WDR70: variants seen among roughly 807,000 people sequenced by gnomAD.
WDR70 encodes the protein WD repeat domain 70, also known as WD repeat-containing protein 70.
A neutral mutation model predicts 88.6 loss-of-function variants in WDR70; 53 were observed. The observed-to-expected ratio is 0.60, with a 90% CI of 0.48 to 0.75. The LOEUF is 0.75. Among genes scored for constraint, WDR70 ranks in the 30% least tolerant of loss-of-function variants. The probability of loss-of-function intolerance (pLI) is 0.00; values close to 1 mark genes in which losing one functional copy is unlikely to be tolerated. For synonymous variants in WDR70, 280 were observed against 270.0 expected, an observed-to-expected ratio of 1.04 and a Z score of -0.36; for missense variants, 610 against 823.2, an observed-to-expected ratio of 0.74 and a Z score of 3.17.
intron 9 of WDR70, among the ~76,000 whole-genome samples, chr5:37,517,859 T>A (rs1028013986): frequency 3.4e-5 from 5 of 147,308 alleles, no homozygotes; most frequent in Admixed American, 3.4e-4. Context: ...TATTATTTTT[T>A]ATTATATTAT....
rs939441215 is a variant in WDR70 at position 37,445,150 on chromosome 5, T to C, written c.686+1778T>C. Among the ~76,000 whole-genome samples the C allele has an allele frequency of 5.9e-5, 9 of 152,232 alleles. 1 individual carries two copies. The highest frequency in any genetic ancestry group is 2.2e-4 in the African/African-American group (9 of 41,452). ...CTTTATCATAATTATATTGTATCACTTCAGATGGCATGTATTGTCTAGCTG... is the reference window on the plus strand; with the variant it reads ...CTTTATCATAATTATATTGTATCACCTCAGATGGCATGTATTGTCTAGCTG... On this transcript the variant is annotated intron_variant, in intron 7 of 17. Transcript: ENST00000265107.
chr5:37,439,393 G>A (rs923765405), intron 6 of WDR70, among the ~76,000 whole-genome samples: 2 of 151,916 alleles, frequency 1.3e-5, no homozygotes, highest in African/African-American at 4.8e-5. Context: ...GTGTTTTTAA[G>A]TAAATAAGGA....
intron 9 of WDR70, among the ~76,000 whole-genome samples, chr5:37,554,516 C>T (rs555818774): frequency 3.7e-4 from 57 of 152,138 alleles, no homozygotes; most frequent in African/African-American, 1.3e-3. Context: ...TAATTCCAGG[C>T]ATCAGTAAGA....
intron 8 of WDR70, among the ~76,000 whole-genome samples, chr5:37,502,756 G>C (rs148174822): frequency 6.6e-6 from 1 of 152,156 alleles, no homozygotes; most frequent in Non-Finnish European, 1.5e-5. Context: ...GCTTTTACTC[G>C]TGGCAGAAGA....
chr5:37,690,414 C>T (rs957710465), intron 10 of WDR70, among the ~76,000 whole-genome samples: 1 of 152,156 alleles, frequency 6.6e-6, no homozygotes, highest in African/African-American at 2.4e-5. Context: ...TTGTCAGATT[C>T]ACCAAGCTTG....
chr5:37,396,686 C>G, intron 5 of WDR70, 116 bp downstream of exon 5: 1 of 1,418,546 alleles, frequency 7.0e-7, no homozygotes, highest in South Asian at 1.6e-5. Context: ...GAGGAAAGGC[C>G]GGGCATGGTG....
chr5:37,673,583 A>ACTCCC (rs1746094113), intron 10 of WDR70, among the ~76,000 whole-genome samples: 6 of 76,230 alleles, frequency 7.9e-5, no homozygotes, highest in African/African-American at 1.1e-4. Flanking sequence ...GACTTTTCTT[A>ACTCCC]CCCCCCCCCC....
intron 7 of WDR70, among the ~76,000 whole-genome samples, chr5:37,466,705 CAAAAAAAAAAAAAA>C (rs796359494): frequency 9.2e-5 from 6 of 65,530 alleles, no homozygotes; most frequent in Middle Eastern, 0.013. Flanking sequence ...GACTCCATCT[CAAAAAAAAAAAAAA>C]AAAAAAAAAA....
chr5:37,425,648 C>G (rs1750101935), intron 5 of WDR70, among the ~76,000 whole-genome samples: 1 of 152,092 alleles, frequency 6.6e-6, no homozygotes, highest in Admixed American at 6.5e-5. Flanking sequence ...AAAGGCTTTT[C>G]CTTTTATGCT....
intron 17 of WDR70, among the ~76,000 whole-genome samples, chr5:37,743,601 C>T (rs186707923): frequency 3.3e-5 from 5 of 152,330 alleles, no homozygotes; most frequent in African/African-American, 4.8e-5. Flanking sequence ...GAAGGCTAGA[C>T]GGCTTGGTCC....
intron 5 of WDR70, among the ~76,000 whole-genome samples, chr5:37,406,255 A>C (rs1269248370): frequency 6.6e-6 from 1 of 152,126 alleles, no homozygotes; most frequent in Non-Finnish European, 1.5e-5. Flanking sequence ...ATTAAGTCTT[A>C]CTAGCTCTGT....
chr5:37,626,983 A>AT (rs1011174273), intron 10 of WDR70, among the ~76,000 whole-genome samples: 3 of 151,216 alleles, frequency 2.0e-5, no homozygotes, highest in Non-Finnish European at 3.0e-5. Flanking sequence ...TCCGTTTATG[A>AT]TTTTTTCAAA....
In WDR70 at chr5:37,396,461, G is replaced by A; in HGVS notation, c.383G>A (p.Gly128Glu). ...CCTCCTTTACCCCCTAAAATGGTAG[G>A]AAAACCAGTTAATTTTATGGAGGAA... ...IGPPLPPKMV[G>E]KPVNFMEEDI... Residue 128 changes from glycine (G) to glutamate (E), a missense_variant, in exon 5 of 18, where the codon GGA becomes GAA. By Grantham distance (98) the Gly-to-Glu change is moderately conservative. Transcript: ENST00000265107. The A allele has an allele frequency of 6.2e-7, 1 of 1,613,992 alleles. No homozygotes were observed. The highest frequency in any genetic ancestry group is 8.5e-7 in the Non-Finnish European group (1 of 1,180,006).
At chr5:37,706,514 T>C (rs939949613) in intron 13 of WDR70, among the ~76,000 whole-genome samples, 10 of 152,210 alleles carry the variant, frequency 6.6e-5, no homozygotes, top group Admixed American at 3.3e-4. Context: ...TCATGAGATC[T>C]GATGGTTTTA....
intron 5 of WDR70, among the ~76,000 whole-genome samples, chr5:37,427,491 C>G (rs1236288840): frequency 6.6e-6 from 1 of 152,140 alleles, no homozygotes; most frequent in Non-Finnish European, 1.5e-5. Context: ...TGTACACACA[C>G]ATGCATAAAC....
chr5:37,559,305 C>T (rs1244591715), intron 9 of WDR70, among the ~76,000 whole-genome samples: 1 of 152,154 alleles, frequency 6.6e-6, no homozygotes. Flanking sequence ...ATAATTTGGC[C>T]TGGCATAATT....
At chr5:37,470,902 T>C (rs1739307540) in intron 7 of WDR70, among the ~76,000 whole-genome samples, 5 of 152,100 alleles carry the variant, frequency 3.3e-5, no homozygotes, top group Admixed American at 2.0e-4. Context: ...TTTTTTTTTT[T>C]TTTGAGACCG....
chr5:37,650,349 C>T (rs933212452), intron 10 of WDR70, among the ~76,000 whole-genome samples: 1 of 151,466 alleles, frequency 6.6e-6, no homozygotes, highest in Non-Finnish European at 1.5e-5. Flanking sequence ...TGCAGTTAGC[C>T]GAGATCACGC....
intron 5 of WDR70, among the ~76,000 whole-genome samples, chr5:37,407,740 G>A (rs1223488620): frequency 6.6e-6 from 1 of 151,644 alleles, no homozygotes; most frequent in African/African-American, 2.4e-5. Context: ...TGTTGCCTAG[G>A]CTGGTTTCAA....
Sources: gnomAD v4.1 joint callset for allele counts (sites outside exome capture counted in the v4.1 genomes callset) on GRCh38, gnomAD v4.1.1 for gene constraint, MANE v1.5 for transcripts, NCBI Gene and HGNC (gene_info 2026-07-23, HGNC 2026-07-21) for gene names.